PCDHGA3: variants seen among roughly 807,000 people sequenced by gnomAD.
PCDHGA3 encodes protocadherin gamma-A3.
PCDHGA3 carries 40 observed loss-of-function variants against 58.5 expected under a neutral mutation model. The ratio of observed to expected loss-of-function variants is 0.68; its 90% CI spans 0.53 to 0.89. The LOEUF (loss-of-function observed/expected upper bound fraction) is 0.89. PCDHGA3 is among the 40% of genes least tolerant of loss of function. The probability of loss-of-function intolerance (pLI) is 0.00; values close to 1 mark genes in which losing one functional copy is unlikely to be tolerated. For synonymous variants in PCDHGA3, 530 were observed against 525.7 expected (o/e 1.01, Z -0.11); for missense variants, 1,223 against 1,195.9 (o/e 1.02, Z -0.33).
Position 141,493,957 on chromosome 5 carries a change from G to A in PCDHGA3, c.2425-850G>A, listed in dbSNP as rs1360777586. 6.6e-6 allele frequency among the ~76,000 whole-genome samples: 1 copy of A among 152,228 alleles called. No individual in the cohort carries two copies. The highest frequency in any genetic ancestry group is 2.4e-5 in the African/African-American group (1 of 41,458). On this transcript the variant is annotated intron_variant, in intron 1 of 3. Coordinates refer to ENST00000253812, the MANE Select transcript of PCDHGA3 (RefSeq NM_018916.4). This position sits in a 1 kb window ranked among gnomAD's most constrained non-coding sequence, Gnocchi z 4.3. ...AGACCAGAAGGGACTCAGGAATGAA[G>A]TGGCTGGCCAGAGCCCCACACCTTC... is the stretch of plus-strand genomic sequence containing the variant.
chr5:141,394,968 T>A, intron 1 of PCDHGA3: 1 of 1,613,938 alleles, frequency 6.2e-7, no homozygotes, highest in Non-Finnish European at 8.5e-7. Flanking sequence ...GCTGAGGCGC[T>A]GGCACAAGTC....
In PCDHGA3 at chr5:141,485,308, A is replaced by G; in HGVS notation, c.2425-9499A>G. On this transcript the variant is annotated intron_variant, in intron 1 of 3. Coordinates refer to ENST00000253812, the MANE Select transcript of PCDHGA3 (RefSeq NM_018916.4). The surrounding 1 kb of genome is among the most constrained non-coding windows in gnomAD (Gnocchi z 5.7). ...AGGAGTCACAGGAAGGGACTTTTGTAGGGAATGTCGCTCAAGATTTCCTGC... is the reference window on the plus strand; with the variant it reads ...AGGAGTCACAGGAAGGGACTTTTGTGGGGAATGTCGCTCAAGATTTCCTGC... 6.2e-7 allele frequency: 1 copy of G among 1,614,112 alleles called. No individual in the cohort carries two copies. The highest frequency in any genetic ancestry group is 8.5e-7 in the Non-Finnish European group (1 of 1,179,996).
chr5:141,397,820 C>G (rs2093573235), intron 1 of PCDHGA3, among the ~76,000 whole-genome samples: 1 of 152,240 alleles, frequency 6.6e-6, no homozygotes, highest in Non-Finnish European at 1.5e-5. Flanking sequence ...AAAACAATTA[C>G]TGCACTGGTT....
intron 3 of PCDHGA3, among the ~76,000 whole-genome samples, chr5:141,510,518 GC>G (rs2099881500): frequency 6.6e-6 from 1 of 152,112 alleles, no homozygotes; most frequent in Non-Finnish European, 1.5e-5. Context: ...CCGTGTCACA[GC>G]CCTGAGAGAA....
intron 2 of PCDHGA3, among the ~76,000 whole-genome samples, chr5:141,502,107 C>T (rs1292131951): frequency 6.6e-6 from 1 of 152,192 alleles, no homozygotes; most frequent in East Asian, 1.9e-4. Context: ...TGACCCTGCA[C>T]CCTCAGCCAG....
chr5:141,422,520 G>T, intron 1 of PCDHGA3: 2 of 1,613,946 alleles, frequency 1.2e-6, no homozygotes, highest in Middle Eastern at 1.6e-4. Flanking sequence ...AGGGAAGCCC[G>T]CCTTTGTCTG....
At position 141,476,746 on chromosome 5, in the gene PCDHGA3, C is replaced by A; in HGVS notation, c.2425-18061C>A. 1 of 1,614,068 alleles carries A rather than the reference C, an allele frequency of 6.2e-7. No homozygotes were observed. On this transcript the variant is annotated intron_variant, in intron 1 of 3. Transcript: ENST00000253812. The surrounding 1 kb of genome is among the most constrained non-coding windows in gnomAD (Gnocchi z 7.6). ...TGGACCGAGAACGGGAGCCTAGTCT[C>A]CAGTTAGTGCTGACGGCGTTGGACG...
intron 1 of PCDHGA3, chr5:141,399,835 C>T (rs756646382): frequency 1.2e-6 from 2 of 1,613,164 alleles, no homozygotes; most frequent in South Asian, 2.2e-5. Flanking sequence ...CGGCTCTGCG[C>T]TCTTCGATAT....
At chr5:141,357,359 A>C (rs775884751) in intron 1 of PCDHGA3, 1 of 1,614,134 alleles carries the variant, frequency 6.2e-7, no homozygotes, top group South Asian at 1.1e-5. Flanking sequence ...AGACGCTGGC[A>C]CAAGTCACGC....
chr5:141,361,040 C>A, intron 1 of PCDHGA3: 1 of 1,613,336 alleles, frequency 6.2e-7, no homozygotes. Context: ...GGAGAAATCA[C>A]GACAAAGGAT....
chr5:141,351,224 G>A, intron 1 of PCDHGA3: 1 of 1,614,036 alleles, frequency 6.2e-7, no homozygotes, highest in East Asian at 2.2e-5. Context: ...GGATGGAGGA[G>A]TACACACAGC....
intron 1 of PCDHGA3, among the ~76,000 whole-genome samples, chr5:141,479,998 G>A (rs2099511091): frequency 6.6e-6 from 1 of 152,272 alleles, no homozygotes; most frequent in South Asian, 2.1e-4. Flanking sequence ...AGGAGTCTGT[G>A]GCCAAGTTAC....
Position 141,354,886 on chromosome 5 carries a change from C to T in PCDHGA3, c.2424+8429C>T, listed in dbSNP as rs1759661341. The T allele has an allele frequency of 1.1e-5, 4 of 380,470 alleles. No individual in the cohort carries two copies. The East Asian group carries it at 1.6e-4, about 15-fold the overall frequency. The allele number at this position is 380,470 out of a possible 1,614,324, so 23.6% of individuals were successfully genotyped here. ...AAAAACAGGAATTTGACTTTATTAT[C>T]TTGGGAGAAATAGGAATAGAAAAGT... is the stretch of plus-strand genomic sequence containing the variant. On this transcript the variant is annotated intron_variant, in intron 1 of 3. Transcript: ENST00000253812.
At chr5:141,399,675 T>C (rs753709757) in intron 1 of PCDHGA3, 3 of 1,613,618 alleles carry the variant, frequency 1.9e-6, no homozygotes, top group South Asian at 2.2e-5. Context: ...AGCGCGCCTT[T>C]GACTACGAGC....
chr5:141,376,348 C>T (rs1293667748), intron 1 of PCDHGA3: 6 of 1,614,184 alleles, frequency 3.7e-6, no homozygotes, highest in Non-Finnish European at 4.2e-6. Context: ...CCTATTCCCA[C>T]GAGGTCTCAC....
chr5:141,422,066 A>G, intron 1 of PCDHGA3: 1 of 1,612,154 alleles, frequency 6.2e-7, no homozygotes. Context: ...GAAGTAATGT[A>G]TTCATTTCGG....
rs1562187768 is a variant in PCDHGA3, at chr5:141,499,029, A to AAGG, written c.2483+4165_2483+4166insGGA. 5.0e-3 allele frequency among the ~76,000 whole-genome samples: 706 copies of AAGG among 140,066 alleles called. 6 individuals carry two copies. Among genetic ancestry groups the AAGG allele is most frequent in the African/African-American group, 0.019 (683 of 36,064 alleles). The allele number at this position is 140,066 out of a possible 152,430, so 91.9% of individuals were successfully genotyped here. A position where few individuals can be genotyped will look rare whatever the true frequency, so the allele number is the denominator to read the frequency against. ...GGAAGGAAGGAAGGAAGGAAGGAAG[A>AAGG]AAAGAAAGAAAAAGGGAGAAAAAAT... On this transcript the variant is annotated intron_variant, in intron 2 of 3. Transcript: ENST00000253812.
At chr5:141,403,616 C>G (rs2094434764) in intron 1 of PCDHGA3, 11 of 1,613,892 alleles carry the variant, frequency 6.8e-6, no homozygotes, top group Non-Finnish European at 9.3e-6. Flanking sequence ...CGAGCCGCGT[C>G]GCTCCAGCAC....
intron 1 of PCDHGA3, among the ~76,000 whole-genome samples, chr5:141,434,605 T>C (rs1448149059): frequency 6.6e-6 from 1 of 152,198 alleles, no homozygotes; most frequent in Non-Finnish European, 1.5e-5. Context: ...ATCCCTTTAT[T>C]TCCGCCCATC....
Sources: allele counts gnomAD v4.1 joint callset (sites outside exome capture counted in the v4.1 genomes callset), GRCh38; gene constraint gnomAD v4.1.1; non-coding constraint Gnocchi (gnomAD v3.1); transcripts MANE v1.5; gene names NCBI Gene and HGNC (gene_info 2026-07-23, HGNC 2026-07-21).